GABRA3: variants seen among roughly 807,000 people sequenced by gnomAD.
GABRA3 encodes the protein gamma-aminobutyric acid receptor subunit alpha-3.
GABRA3 carries 10 observed loss-of-function variants against 30.1 expected under a neutral mutation model. The ratio of observed to expected loss-of-function variants is 0.33; its 90% CI spans 0.20 to 0.56. The LOEUF (loss-of-function observed/expected upper bound fraction) is 0.56. Ranked by LOEUF, GABRA3 falls within the 20% of genes least tolerant of loss-of-function variation. GABRA3 has a pLI of 0.89. For synonymous variants in GABRA3, 151 were observed against 146.8 expected, an observed-to-expected ratio of 1.03 and a Z score of -0.21; for missense variants, 233 against 392.0, an observed-to-expected ratio of 0.59 and a Z score of 3.42.
At chrX:152,222,014 T>A (rs1337687102) in intron 6 of GABRA3, among the ~76,000 whole-genome samples, 1 of 111,736 alleles carries the variant, frequency 8.9e-6, no homozygotes, top group Non-Finnish European at 1.9e-5. Context: ...GATAATGGCC[T>A]CCAGCTCCAT....
intron 3 of GABRA3, among the ~76,000 whole-genome samples, chrX:152,302,084 AATTCAAAT>A (rs1300886144): frequency 1.8e-5 from 2 of 111,790 alleles, no homozygotes; most frequent in South Asian, 3.7e-4. Flanking sequence ...AGAATAAAAC[AATTCAAAT>A]ATTCAAATAT....
intron 3 of GABRA3, among the ~76,000 whole-genome samples, chrX:152,293,750 G>A (rs1183243564): frequency 9.0e-6 from 1 of 111,054 alleles, no homozygotes; most frequent in African/African-American, 3.3e-5. Context: ...TCATGTTTTT[G>A]CAGTGGCTGG....
intron 3 of GABRA3, among the ~76,000 whole-genome samples, chrX:152,342,755 A>G (rs1940334188): frequency 9.0e-6 from 1 of 111,511 alleles, no homozygotes; most frequent in South Asian, 3.7e-4. Context: ...AATTCTTTGA[A>G]GCTTGATTTT....
chrX:152,248,675 C>G (rs1938501283), intron 5 of GABRA3, among the ~76,000 whole-genome samples: 2 of 111,235 alleles, frequency 1.8e-5, no homozygotes, highest in South Asian at 7.4e-4. Flanking sequence ...ATGTCTTTCA[C>G]TTTAAAAAAT....
chrX:152,189,753 C>T lies in GABRA3; in HGVS notation c.1120G>A (p.Val374Met), dbSNP rs1406944252. 1 of 1,205,848 alleles carries T rather than the reference C, an allele frequency of 8.3e-7. No homozygotes were observed. Among genetic ancestry groups the T allele is most frequent in the African/African-American group, 1.8e-5 (1 of 56,839 alleles). ...ACCTTCATCTCCAGGGCCTCTGGCA[C>T]CTTCTTGCCTTCCCAAGCCCAACTC... ...KRSWAWEGKK[V>M]PEALEMKKKT... The change falls in exon 9 of 10, where the codon GTG becomes ATG. Residue 374 changes from valine to methionine, a missense_variant. Val to Met is a conservative substitution (Grantham distance 21). Coordinates refer to ENST00000370314, the MANE Select transcript of GABRA3 (RefSeq NM_000808.4).
chrX:152,256,776 G>A (rs1938643888), intron 4 of GABRA3, among the ~76,000 whole-genome samples: 1 of 111,996 alleles, frequency 8.9e-6, no homozygotes, highest in African/African-American at 3.2e-5. Flanking sequence ...AAGCAGTGGA[G>A]CGTGACTGAA....
chrX:152,415,592 T>C (rs1386169835), intron 1 of GABRA3, among the ~76,000 whole-genome samples: 3 of 110,816 alleles, frequency 2.7e-5, no homozygotes, highest in Non-Finnish European at 3.8e-5. Flanking sequence ...ACTATAGACA[T>C]AGAGACACAC....
At chrX:152,199,229 G>A (rs968267489) in intron 7 of GABRA3, among the ~76,000 whole-genome samples, 15 of 106,696 alleles carry the variant, frequency 1.4e-4, no homozygotes, top group Admixed American at 6.0e-4. Flanking sequence ...AGCCGGGTGT[G>A]GTGGCGGGCA....
intron 5 of GABRA3, among the ~76,000 whole-genome samples, chrX:152,254,675 A>G (rs138503684): frequency 1.5e-4 from 17 of 111,987 alleles, no homozygotes; most frequent in African/African-American, 4.9e-4. Flanking sequence ...AAAAACACCA[A>G]TAAATAGCAA....
intron 1 of GABRA3, among the ~76,000 whole-genome samples, chrX:152,423,866 T>C (rs1038566990): frequency 9.0e-6 from 1 of 111,265 alleles, no homozygotes; most frequent in African/African-American, 3.3e-5. Flanking sequence ...GGATAACAAA[T>C]GTAATATTAC....
chrX:152,377,940 CAAAT>C (rs1307985727), intron 1 of GABRA3, among the ~76,000 whole-genome samples: 1 of 111,891 alleles, frequency 8.9e-6, no homozygotes, highest in Non-Finnish European at 1.9e-5. Flanking sequence ...CAAATTGAGA[CAAAT>C]AAAACAGACA....
intron 4 of GABRA3, among the ~76,000 whole-genome samples, chrX:152,281,006 G>A (rs1346938825): frequency 9.0e-6 from 1 of 110,899 alleles, no homozygotes; most frequent in Non-Finnish European, 1.9e-5. Context: ...CCTCTGACAT[G>A]CTCAGGGACT....
intron 3 of GABRA3, among the ~76,000 whole-genome samples, chrX:152,309,680 C>G (rs769788829): frequency 9.0e-6 from 1 of 111,617 alleles, no homozygotes; most frequent in Non-Finnish European, 1.9e-5. Context: ...GTATCTGCCA[C>G]GACAAAAACA....
intron 7 of GABRA3, among the ~76,000 whole-genome samples, chrX:152,204,405 G>C (rs914943643): frequency 9.0e-6 from 1 of 110,971 alleles, no homozygotes; most frequent in Admixed American, 9.6e-5. Flanking sequence ...TAGATGCAAA[G>C]TAGAAAGGGA....
At chrX:152,372,227 C>T (rs1928861135) in intron 1 of GABRA3, among the ~76,000 whole-genome samples, 2 of 111,265 alleles carry the variant, frequency 1.8e-5, no homozygotes, top group South Asian at 7.6e-4. Context: ...TGGATATTTT[C>T]GGAATCCTAA....
intron 5 of GABRA3, among the ~76,000 whole-genome samples, chrX:152,237,965 C>A: frequency 9.0e-6 from 1 of 110,643 alleles, no homozygotes; most frequent in Non-Finnish European, 1.9e-5. Flanking sequence ...CCCTCTTTTC[C>A]TACTTGAATA....
At chrX:152,326,034 G>A (rs1351175531) in intron 3 of GABRA3, among the ~76,000 whole-genome samples, 1 of 111,303 alleles carries the variant, frequency 9.0e-6, no homozygotes, top group Non-Finnish European at 1.9e-5. Context: ...TGAAAACCAT[G>A]GCACTAGGAC....
chrX:152,182,782 G>GTGTATATATAGTATATATATACAC (rs1556761967), intron 9 of GABRA3, among the ~76,000 whole-genome samples: 2 of 42,673 alleles, frequency 4.7e-5, no homozygotes, highest in African/African-American at 9.0e-5. Flanking sequence ...TATATATACA[G>GTGTATATATAGTATATATATACAC]TATATATATA....
At chrX:152,402,007 C>G (rs745603218) in intron 1 of GABRA3, among the ~76,000 whole-genome samples, 1 of 111,805 alleles carries the variant, frequency 8.9e-6, no homozygotes, top group Non-Finnish European at 1.9e-5. Context: ...ACATACCCCT[C>G]CCAATAGCTT....
Sources: allele counts gnomAD v4.1 joint callset (sites outside exome capture counted in the v4.1 genomes callset), GRCh38; gene constraint gnomAD v4.1.1; transcripts MANE v1.5; gene names NCBI Gene and HGNC (gene_info 2026-07-23, HGNC 2026-07-21).